The following SLC35F4 variants were observed in gnomAD, a reference collection of about 807,000 sequenced individuals.
SLC35F4 encodes solute carrier family 35 member F4.
A neutral mutation model predicts 44.2 loss-of-function variants in SLC35F4; 24 were observed. The observed-to-expected ratio is 0.54, with a 90% confidence interval of 0.39 to 0.76. The LOEUF (loss-of-function observed/expected upper bound fraction) is 0.76. Ranked by LOEUF, SLC35F4 falls within the 30% of genes least tolerant of loss-of-function variation. SLC35F4 has a pLI of 0.00. For missense variants in SLC35F4, 562 were observed against 586.1 expected (o/e 0.96, Z 0.42); for synonymous variants, 238 against 223.6 (o/e 1.06, Z -0.57).
Position 57,865,903 on chromosome 14 carries a change from G to A in SLC35F4, c.-78C>T, listed in dbSNP as rs540814278. The stretch of plus-strand genomic sequence containing the variant: ...GGGCCCGGGAGCTGGTGCAGGTGCC[G>A]GAGCCGCTGGTGCTGATCTTGCAGC... On this transcript the variant is annotated 5_prime_UTR_variant, in exon 1 of 8. Coordinates refer to ENST00000556826, the MANE Select transcript of SLC35F4 (RefSeq NM_001306087.2). 6.9e-6 allele frequency: 7 copies of A among 1,014,302 alleles called. No homozygotes were observed. Among genetic ancestry groups the A allele is most frequent in the African/African-American group, 5.1e-5 (3 of 58,344 alleles). The allele number at this position is 1,014,302 out of a possible 1,614,324, so 62.8% of individuals were successfully genotyped here.
chr14:57,580,283 G>T (rs2069152550), intron 4 of SLC35F4, among the ~76,000 whole-genome samples: 1 of 152,152 alleles, frequency 6.6e-6, no homozygotes, highest in Non-Finnish European at 1.5e-5. Flanking sequence ...ATTAGTTTCA[G>T]CATTTGGGAG....
chr14:57,707,017 T>G (rs899229644), intron 1 of SLC35F4, among the ~76,000 whole-genome samples: 1 of 152,176 alleles, frequency 6.6e-6, no homozygotes, highest in African/African-American at 2.4e-5. Context: ...GTGTATTTAG[T>G]CCAGGCAAAA....
rs922745383 is a variant in SLC35F4 at position 57,686,159 on chromosome 14, A to G, written c.104-92035T>C. Among the ~76,000 whole-genome samples, 4 of 152,350 alleles carry G rather than the reference A, an allele frequency of 2.6e-5. No homozygotes were observed. The South Asian group carries it at 6.2e-4, about 24-fold the overall frequency. On this transcript the variant is annotated intron_variant, in intron 1 of 7. Transcript: ENST00000556826. ...GTTTCTAAGTAGAAAGTAAAGCATT[A>G]TGGAGGAGGCGTTGATTCTCATATT...
At chr14:57,771,618 G>A (rs548592365) in intron 1 of SLC35F4, among the ~76,000 whole-genome samples, 2 of 152,210 alleles carry the variant, frequency 1.3e-5, no homozygotes, top group South Asian at 4.1e-4. Flanking sequence ...ATTTGAGACA[G>A]TGTCTCGCTC....
intron 1 of SLC35F4, among the ~76,000 whole-genome samples, chr14:57,788,232 T>C (rs977821901): frequency 6.6e-6 from 1 of 152,110 alleles, no homozygotes; most frequent in African/African-American, 2.4e-5. Flanking sequence ...CCTAAACATA[T>C]GTGCACCTAA....
At chr14:57,601,638 G>T (rs1327808754) in intron 1 of SLC35F4, among the ~76,000 whole-genome samples, 1 of 152,042 alleles carries the variant, frequency 6.6e-6, no homozygotes, top group Admixed American at 6.6e-5. Flanking sequence ...AGTACTAATG[G>T]TTATATTTCT....
intron 1 of SLC35F4, among the ~76,000 whole-genome samples, chr14:57,683,828 C>T (rs961132995): frequency 5.3e-5 from 8 of 152,116 alleles, no homozygotes; most frequent in Non-Finnish European, 1.0e-4. Context: ...TGGGCTGCCT[C>T]TGATCTCTCT....
At chr14:57,858,548 G>A (rs1423234907) in intron 1 of SLC35F4, among the ~76,000 whole-genome samples, 1 of 151,850 alleles carries the variant, frequency 6.6e-6, no homozygotes, top group Non-Finnish European at 1.5e-5. Flanking sequence ...GGGGAGTGGG[G>A]AGGGATAGCA....
intron 1 of SLC35F4, among the ~76,000 whole-genome samples, chr14:57,855,484 A>G (rs936290591): frequency 6.6e-6 from 1 of 152,254 alleles, no homozygotes; most frequent in African/African-American, 2.4e-5. Flanking sequence ...CAAAACCACA[A>G]TGAGATAGCA....
At chr14:57,924,929 GT>G (rs1217871353) in intron 1 of SLC35F4, among the ~76,000 whole-genome samples, 1 of 151,390 alleles carries the variant, frequency 6.6e-6, no homozygotes, top group Non-Finnish European at 1.5e-5. Context: ...GTTTGTTTTT[GT>G]TTTTTTTAAG....
chr14:57,770,485 C>T (rs2077337326), intron 1 of SLC35F4, among the ~76,000 whole-genome samples: 1 of 152,176 alleles, frequency 6.6e-6, no homozygotes, highest in Admixed American at 6.5e-5. Context: ...GCTATACTAT[C>T]TCAATGAACA....
chr14:57,623,324 G>A (rs948459481), intron 1 of SLC35F4, among the ~76,000 whole-genome samples: 4 of 152,092 alleles, frequency 2.6e-5, no homozygotes, highest in African/African-American at 9.7e-5. Flanking sequence ...AGTTCTTAGA[G>A]ACCTAAAAAG....
intron 1 of SLC35F4, among the ~76,000 whole-genome samples, chr14:57,774,178 A>G (rs2140700310): frequency 6.6e-6 from 1 of 152,176 alleles, no homozygotes; most frequent in East Asian, 1.9e-4. Context: ...GAGTGAACAG[A>G]GAGGGAAGAC....
At chr14:57,687,969 T>C (rs1482860553) in intron 1 of SLC35F4, among the ~76,000 whole-genome samples, 1 of 152,236 alleles carries the variant, frequency 6.6e-6, no homozygotes, top group Non-Finnish European at 1.5e-5. Flanking sequence ...GATTGTAGAA[T>C]CATCAATATG....
chr14:57,611,950 A>G (rs1262425789), intron 1 of SLC35F4, among the ~76,000 whole-genome samples: 3 of 152,250 alleles, frequency 2.0e-5, no homozygotes, highest in African/African-American at 7.2e-5. Flanking sequence ...GCAACAGTGC[A>G]GTCCCTAAGA....
chr14:57,692,697 T>C (rs999604588), intron 1 of SLC35F4, among the ~76,000 whole-genome samples: 2 of 152,158 alleles, frequency 1.3e-5, no homozygotes, highest in African/African-American at 2.4e-5. Flanking sequence ...TAAATTCTCA[T>C]GTTAATCTGT....
intron 1 of SLC35F4, among the ~76,000 whole-genome samples, chr14:57,791,195 G>A (rs1179884357): frequency 1.3e-5 from 2 of 152,056 alleles, no homozygotes; most frequent in African/African-American, 4.8e-5. Context: ...GAGTGAACAG[G>A]CAATCTACAG....
intron 1 of SLC35F4, among the ~76,000 whole-genome samples, chr14:57,614,317 G>A (rs560041732): frequency 6.6e-6 from 1 of 152,156 alleles, no homozygotes; most frequent in Non-Finnish European, 1.5e-5. Flanking sequence ...TTACTGGAGG[G>A]GATCTTCAGG....
chr14:57,980,718 A>T (rs1018856831), intron 1 of SLC35F4, among the ~76,000 whole-genome samples: 3 of 152,196 alleles, frequency 2.0e-5, no homozygotes, highest in African/African-American at 7.2e-5. Context: ...CACTGTTCAA[A>T]ATGGTACCTA....
Sources: allele counts gnomAD v4.1 joint callset (sites outside exome capture counted in the v4.1 genomes callset), GRCh38; gene constraint gnomAD v4.1.1; transcripts MANE v1.5; gene names NCBI Gene and HGNC (gene_info 2026-07-23, HGNC 2026-07-21).